XKR4: variants seen among roughly 807,000 people sequenced by gnomAD.
XKR4 encodes XK related 4, also known as XK-related protein 4.
In XKR4, 12 loss-of-function variants were observed where a neutral mutation model predicts 53.9. That is an observed-to-expected ratio of 0.22 (90% CI 0.14 to 0.36). The LOEUF is 0.36. XKR4 is among the 10% of genes least tolerant of loss of function. The pLI is 1.00. For synonymous variants in XKR4, 354 were observed against 362.4 expected (o/e 0.98, Z 0.26); for missense variants, 799 against 859.5 (o/e 0.93, Z 0.88).
chr8:55,259,645 T>C (rs982596170), intron 1 of XKR4, among the ~76,000 whole-genome samples: 17 of 152,138 alleles, frequency 1.1e-4, no homozygotes, highest in African/African-American at 3.6e-4. Flanking sequence ...AGGGAAGTGA[T>C]TCATCTCTCC....
At chr8:55,451,392 T>C (rs879925122) in intron 2 of XKR4, 111 of 809,618 alleles carry the variant, frequency 1.4e-4, no homozygotes, top group Non-Finnish European at 2.0e-4. Flanking sequence ...AGCCGCTAAG[T>C]GTGTTGCGTC....
chr8:55,166,744 G>A (rs1037250196), intron 1 of XKR4, among the ~76,000 whole-genome samples: 15 of 152,132 alleles, frequency 9.9e-5, no homozygotes, highest in African/African-American at 2.4e-5. Context: ...AGATAACATC[G>A]CATGTTCAAG....
intron 1 of XKR4, among the ~76,000 whole-genome samples, chr8:55,354,280 C>T (rs1331086246): frequency 6.6e-6 from 1 of 152,070 alleles, no homozygotes; most frequent in Non-Finnish European, 1.5e-5. Flanking sequence ...AGGGGTGAGT[C>T]CAAGGAGGCC....
At chr8:55,289,144 A>G (rs1818947037) in intron 1 of XKR4, among the ~76,000 whole-genome samples, 2 of 152,214 alleles carry the variant, frequency 1.3e-5, no homozygotes, top group Admixed American at 1.3e-4. Flanking sequence ...TAGTATGAAC[A>G]TAAATTTTTA....
At chr8:55,135,514 T>C (rs949467096) in intron 1 of XKR4, 1 of 441,156 alleles carries the variant, frequency 2.3e-6, no homozygotes, top group African/African-American at 2.0e-5. Flanking sequence ...TCTGTAATGT[T>C]AACTCTTTTC....
At chr8:55,470,175 C>T (rs900566120) in intron 2 of XKR4, among the ~76,000 whole-genome samples, 2 of 152,000 alleles carry the variant, frequency 1.3e-5, no homozygotes, top group South Asian at 2.1e-4. Context: ...CCATTATTAC[C>T]GAAGGCACAG....
chr8:55,350,091 T>G (rs1421072763), intron 1 of XKR4, among the ~76,000 whole-genome samples: 1 of 152,218 alleles, frequency 6.6e-6, no homozygotes, highest in African/African-American at 2.4e-5. Flanking sequence ...GCCTTTTGCC[T>G]TAACAATATA....
intron 1 of XKR4, among the ~76,000 whole-genome samples, chr8:55,274,814 T>C (rs1198590907): frequency 6.6e-6 from 1 of 152,162 alleles, no homozygotes; most frequent in Non-Finnish European, 1.5e-5. Context: ...AGGCCCTGTC[T>C]CCAAATACAG....
At chr8:55,134,544 T>A (rs1478848656) in intron 1 of XKR4, among the ~76,000 whole-genome samples, 1 of 152,230 alleles carries the variant, frequency 6.6e-6, no homozygotes, top group Admixed American at 6.5e-5. Flanking sequence ...CTTCCCAGCA[T>A]GGCAATGAGC....
chr8:55,136,559 T>C (rs1816633753), intron 1 of XKR4, among the ~76,000 whole-genome samples: 1 of 152,242 alleles, frequency 6.6e-6, no homozygotes, highest in Non-Finnish European at 1.5e-5. Context: ...ATGCCTTTAA[T>C]GACTGTGTTA....
intron 1 of XKR4, among the ~76,000 whole-genome samples, chr8:55,116,026 G>C (rs1816301620): frequency 6.6e-6 from 1 of 152,178 alleles, no homozygotes; most frequent in Non-Finnish European, 1.5e-5. Flanking sequence ...CAAGAATAGA[G>C]AGTGAAGAGC....
chr8:55,485,928 G>A (rs2975951), intron 2 of XKR4, among the ~76,000 whole-genome samples: 115,053 of 152,172 alleles, frequency 0.76, 44,132 homozygotes, highest in African/African-American at 0.88. Flanking sequence ...TCTGGAAAAT[G>A]TAATTTTAAT....
chr8:55,281,700 T>A (rs1205607869), intron 1 of XKR4, among the ~76,000 whole-genome samples: 1 of 152,222 alleles, frequency 6.6e-6, no homozygotes, highest in East Asian at 1.9e-4. Context: ...ATTGAAATGC[T>A]TTAAGTAATT....
At chr8:55,275,051 A>T (rs1818745698) in intron 1 of XKR4, among the ~76,000 whole-genome samples, 1 of 152,212 alleles carries the variant, frequency 6.6e-6, no homozygotes, top group African/African-American at 2.4e-5. Context: ...TTTAATGAGA[A>T]GTTTATGTAT....
At chr8:55,506,082 T>C (rs1266485042) in intron 2 of XKR4, among the ~76,000 whole-genome samples, 3 of 152,236 alleles carry the variant, frequency 2.0e-5, no homozygotes, top group African/African-American at 7.2e-5. Flanking sequence ...TCTGAAGTAA[T>C]TGAAAGACAG....
Position 55,534,164 on chromosome 8 carries a change from T to A in XKR4, c.*9937T>A, listed in dbSNP as rs1806993321. On this transcript the variant is annotated 3_prime_UTR_variant, in exon 3 of 3. Coordinates refer to ENST00000327381, the MANE Select transcript of XKR4 (RefSeq NM_052898.2). ...TGTCAGCATTGTAATAACCAATTTA[T>A]AAAAATTGAGTTTTTATTCAGTTTC... is the stretch of plus-strand genomic sequence containing the variant. The A allele has an allele frequency of 2.0e-5, 3 of 152,224 alleles. No individual in the cohort carries two copies. The East Asian group carries it at 5.8e-4, about 29-fold the overall frequency. 9.4% of individuals were successfully genotyped at this position (152,224 alleles called of 1,614,324 possible).
At chr8:55,405,759 G>C (rs577713608) in intron 2 of XKR4, among the ~76,000 whole-genome samples, 1 of 152,340 alleles carries the variant, frequency 6.6e-6, no homozygotes, top group Admixed American at 6.5e-5. Context: ...TAGTCCAAAA[G>C]AGTATGACCT....
At chr8:55,450,246 T>C in intron 2 of XKR4, 1 of 655,462 alleles carries the variant, frequency 1.5e-6, no homozygotes, top group Non-Finnish European at 2.7e-6. Flanking sequence ...CAAACCGTTC[T>C]TCCTCAGGGG....
chr8:55,440,135 C>A (rs1805243060), intron 2 of XKR4, among the ~76,000 whole-genome samples: 1 of 151,966 alleles, frequency 6.6e-6, no homozygotes, highest in Non-Finnish European at 1.5e-5. Flanking sequence ...AAGTGTGTAT[C>A]CAGAATATAG....
Sources: allele counts gnomAD v4.1 joint callset (sites outside exome capture counted in the v4.1 genomes callset), GRCh38; gene constraint gnomAD v4.1.1; transcripts MANE v1.5; gene names NCBI Gene and HGNC (gene_info 2026-07-23, HGNC 2026-07-21).